The following GRIP1 variants were observed in gnomAD, a reference collection of about 807,000 sequenced individuals.
GRIP1 encodes glutamate receptor interacting protein 1, also known as glutamate receptor-interacting protein 1.
In GRIP1, 45 loss-of-function variants were observed where a neutral mutation model predicts 129.9. The ratio of observed to expected loss-of-function variants is 0.35; its 90% CI spans 0.27 to 0.44. The LOEUF (loss-of-function observed/expected upper bound fraction) is 0.44. Among genes scored for constraint, GRIP1 ranks in the 20% least tolerant of loss-of-function variants. The pLI, the probability that GRIP1 is intolerant of heterozygous loss-of-function variation, is 1.00. For missense variants in GRIP1, 1,196 were observed against 1,396.8 expected (o/e 0.86, Z 2.29); for synonymous variants, 530 against 520.8 (o/e 1.02, Z -0.24).
At chr12:66,946,473 A>C (rs1408445564) in intron 1 of GRIP1, among the ~76,000 whole-genome samples, 1 of 152,158 alleles carries the variant, frequency 6.6e-6, no homozygotes, top group Non-Finnish European at 1.5e-5. Context: ...ATTTTTAAAC[A>C]AGAGTTAGGC....
chr12:66,839,968 A>C (rs1414151540), intron 1 of GRIP1, among the ~76,000 whole-genome samples: 1 of 152,232 alleles, frequency 6.6e-6, no homozygotes, highest in Non-Finnish European at 1.5e-5. Flanking sequence ...ATAATCAATA[A>C]GGTTGCAAAT....
chr12:66,480,543 C>T (rs1055197659), intron 7 of GRIP1, among the ~76,000 whole-genome samples: 2 of 151,924 alleles, frequency 1.3e-5, no homozygotes, highest in Non-Finnish European at 2.9e-5. Context: ...ACTTTCTTCA[C>T]AGAATTAAAA....
upstream of GRIP1, among the ~76,000 whole-genome samples, chr12:66,683,374 C>T (rs921732355): frequency 8.6e-5 from 13 of 151,960 alleles, no homozygotes; most frequent in African/African-American, 2.4e-4. Context: ...GAACAGAACT[C>T]GCCAGTAATG....
chr12:66,800,140 A>T (rs568500504), intron 1 of GRIP1, among the ~76,000 whole-genome samples: 7 of 152,172 alleles, frequency 4.6e-5, no homozygotes, highest in Non-Finnish European at 1.0e-4. Context: ...CAACAAATGA[A>T]ATAATTTGTA....
chr12:66,507,888 C>T (rs936948697), intron 7 of GRIP1, among the ~76,000 whole-genome samples: 20 of 152,068 alleles, frequency 1.3e-4, no homozygotes, highest in Non-Finnish European at 1.6e-4. Context: ...CTCCAGCCTC[C>T]GCATCCTCAG....
At chr12:66,907,863 G>A (rs984857552) in intron 1 of GRIP1, among the ~76,000 whole-genome samples, 2 of 152,064 alleles carry the variant, frequency 1.3e-5, no homozygotes, top group Non-Finnish European at 2.9e-5. Flanking sequence ...TATTTGAGGG[G>A]AGGGTGGCTG....
intron 1 of GRIP1, among the ~76,000 whole-genome samples, chr12:66,685,925 T>C (rs2034768027): frequency 6.6e-6 from 1 of 152,204 alleles, no homozygotes; most frequent in African/African-American, 2.4e-5. Context: ...TTTAGAACAG[T>C]ACCTAGCACA....
intron 1 of GRIP1, among the ~76,000 whole-genome samples, chr12:66,762,344 G>A (rs1156674968): frequency 6.6e-6 from 1 of 152,124 alleles, no homozygotes; most frequent in Non-Finnish European, 1.5e-5. Flanking sequence ...TTTGCCCCTG[G>A]TCAGAGGAGG....
intron 1 of GRIP1, among the ~76,000 whole-genome samples, chr12:66,707,201 A>G (rs570425148): frequency 6.6e-6 from 1 of 151,954 alleles, no homozygotes; most frequent in East Asian, 1.9e-4. Context: ...CTGTCCCCAA[A>G]GTCCACATGC....
intron 2 of GRIP1, among the ~76,000 whole-genome samples, chr12:66,548,673 C>T (rs1020015884): frequency 6.6e-6 from 1 of 152,086 alleles, no homozygotes; most frequent in Admixed American, 6.6e-5. Context: ...ATGTGGGAAG[C>T]ATGGAAGTGA....
intron 23 of GRIP1, among the ~76,000 whole-genome samples, chr12:66,357,893 C>T (rs559564847): frequency 1.3e-5 from 2 of 152,088 alleles, no homozygotes; most frequent in Non-Finnish European, 2.9e-5. Flanking sequence ...ATATTCAATG[C>T]ATTTTTTGTT....
intron 1 of GRIP1, among the ~76,000 whole-genome samples, chr12:66,927,917 A>G (rs2041322541): frequency 6.6e-6 from 1 of 152,188 alleles, no homozygotes; most frequent in African/African-American, 2.4e-5. Flanking sequence ...GAAAGAAAAG[A>G]TTTTTAGTCT....
intron 7 of GRIP1, among the ~76,000 whole-genome samples, chr12:66,512,948 A>G (rs2060742455): frequency 6.6e-6 from 1 of 152,146 alleles, no homozygotes; most frequent in Non-Finnish European, 1.5e-5. Flanking sequence ...ACATTTAGGT[A>G]GAAAGATATT....
intron 5 of GRIP1, among the ~76,000 whole-genome samples, chr12:66,522,929 G>C (rs1188091889): frequency 6.6e-6 from 1 of 152,170 alleles, no homozygotes; most frequent in Non-Finnish European, 1.5e-5. Flanking sequence ...AAGAGTATCA[G>C]TGATGGAAGA....
chr12:67,039,045 ACACACACT>A (rs1005776896), intron 1 of GRIP1, among the ~76,000 whole-genome samples: 4 of 151,678 alleles, frequency 2.6e-5, no homozygotes, highest in Non-Finnish European at 5.9e-5. Context: ...ACACACACAC[ACACACACT>A]TAGCATTTAT....
At chr12:66,705,409 CACAA>C (rs1188553448) in intron 1 of GRIP1, among the ~76,000 whole-genome samples, 2 of 152,010 alleles carry the variant, frequency 1.3e-5, no homozygotes, top group Non-Finnish European at 2.9e-5. Flanking sequence ...TAAGAGAGGA[CACAA>C]ACAAATGGAA....
intron 1 of GRIP1, among the ~76,000 whole-genome samples, chr12:66,964,991 C>T (rs531023841): frequency 3.3e-5 from 5 of 152,138 alleles, no homozygotes; most frequent in Non-Finnish European, 5.9e-5. Context: ...TTAGAGAATA[C>T]CCTAAAGGCT....
At chr12:66,854,018 C>A (rs2039960005) in intron 1 of GRIP1, among the ~76,000 whole-genome samples, 1 of 151,562 alleles carries the variant, frequency 6.6e-6, no homozygotes, top group Non-Finnish European at 1.5e-5. Context: ...GGTTGATGGG[C>A]ATAAGAAAAA....
chr12:66,626,346 A>T (rs2030041318), intron 1 of GRIP1, among the ~76,000 whole-genome samples: 1 of 151,820 alleles, frequency 6.6e-6, no homozygotes, highest in Admixed American at 6.6e-5. Flanking sequence ...TCTCCAAAAA[A>T]AAAAAAGTAT....
Sources: gnomAD v4.1 joint callset for allele counts (sites outside exome capture counted in the v4.1 genomes callset) on GRCh38, gnomAD v4.1.1 for gene constraint, MANE v1.5 for transcripts, NCBI Gene and HGNC (gene_info 2026-07-23, HGNC 2026-07-21) for gene names.